PPP1R1C: variants seen among roughly 807,000 people sequenced by gnomAD.
The protein encoded by PPP1R1C is protein phosphatase 1 regulatory subunit 1C.
A neutral mutation model predicts 17.4 loss-of-function variants in PPP1R1C; 15 were observed. That is an observed-to-expected ratio of 0.86 (90% confidence interval 0.58 to 1.33). PPP1R1C has a LOEUF of 1.33. Among genes scored for constraint, PPP1R1C ranks in the 40% most tolerant of loss-of-function variants. The probability of loss-of-function intolerance (pLI) is 0.00; values close to 1 mark genes in which losing one functional copy is unlikely to be tolerated. For synonymous variants in PPP1R1C, 35 were observed against 43.1 expected (o/e 0.81, Z 0.73); for missense variants, 143 against 130.0 (o/e 1.10, Z -0.48).
chr2:182,091,822 C>A (rs1177465270), intron 4 of PPP1R1C, among the ~76,000 whole-genome samples: 1 of 152,156 alleles, frequency 6.6e-6, no homozygotes, highest in Non-Finnish European at 1.5e-5. Flanking sequence ...TTTCCACCCT[C>A]AATCTCCTTT....
rs767056399 is a variant in PPP1R1C at position 181,987,918 on chromosome 2, T to C, written c.142+19T>C. ...CCCCCAGGTAAAGAAGCATGATGTG[T>C]TTCACACTGATGGAACAGAATGGAA... On this transcript the variant is annotated intron_variant, in intron 2 of 4. Transcript: ENST00000682840. 6.3e-7 allele frequency: 1 copy of C among 1,590,122 alleles called. No homozygotes were observed. Among genetic ancestry groups the C allele is most frequent in the South Asian group, 1.1e-5 (1 of 90,006 alleles).
At chr2:182,046,312 C>T (rs1421505241) in intron 2 of PPP1R1C, among the ~76,000 whole-genome samples, 1 of 152,116 alleles carries the variant, frequency 6.6e-6, no homozygotes, top group Non-Finnish European at 1.5e-5. Flanking sequence ...CATCCCATTC[C>T]CCCTGCCCTT....
rs888120175 is a variant in PPP1R1C at position 181,986,124 on chromosome 2, G to A, written c.14G>A (p.Ser5Asn). The change falls in exon 1 of 5, where the codon AGT becomes AAT. Residue 5 changes from serine to asparagine, a missense_variant. By Grantham distance (46) the Ser-to-Asn change is conservative (BLOSUM62 1). Coordinates refer to ENST00000682840, the MANE Select transcript of PPP1R1C (RefSeq NM_001080545.3). MEPN[S>N]PKKIQFAVPV... is the part of the protein sequence containing the mutation. ...ATCATCATTACCATGGAGCCCAACA[G>A]TCCCAAAAAGATACAGTTTGCCGTG... is the stretch of plus-strand genomic sequence containing the variant. The A allele has an allele frequency of 1.9e-6, 3 of 1,613,396 alleles. No individual in the cohort carries two copies. The African/African-American group carries it at 4.0e-5, about 22-fold the overall frequency.
intron 4 of PPP1R1C, among the ~76,000 whole-genome samples, chr2:182,077,794 A>G (rs1688357761): frequency 6.6e-6 from 1 of 152,168 alleles, no homozygotes; most frequent in Non-Finnish European, 1.5e-5. Context: ...TGCTTATTAG[A>G]TCATTTTAAA....
rs544015720 is a variant in PPP1R1C, at chr2:182,019,914, G to A, written c.142+32015G>A. On this transcript the variant is annotated intron_variant, in intron 2 of 4. Transcript: ENST00000682840. ...GATGAAGTGTTCTTCAGAGTAAGCA[G>A]TGGCATATAGATCCATCTCTGTAAC... 9.2e-5 allele frequency among the ~76,000 whole-genome samples: 14 copies of A among 152,340 alleles called. No homozygotes were observed. In the East Asian group the frequency reaches 2.5e-3, roughly 27 times the overall value.
chr2:181,964,470 T>G (rs1684869964), intron 1 of PPP1R1C, among the ~76,000 whole-genome samples: 1 of 152,198 alleles, frequency 6.6e-6, no homozygotes, highest in Non-Finnish European at 1.5e-5. Context: ...TCCTTTCTTT[T>G]GGGTATACAC....
At chr2:182,067,364 A>G (rs1472548751) in intron 4 of PPP1R1C, among the ~76,000 whole-genome samples, 3 of 151,638 alleles carry the variant, frequency 2.0e-5, no homozygotes, top group Non-Finnish European at 4.4e-5. Flanking sequence ...ACCCCTTCTC[A>G]TAATAAAGAA....
intron 2 of PPP1R1C, among the ~76,000 whole-genome samples, chr2:182,002,927 A>ACCCCC (rs200353111): frequency 3.6e-4 from 33 of 90,952 alleles, no homozygotes; most frequent in Non-Finnish European, 5.1e-4. Context: ...GATGCCATAA[A>ACCCCC]CCTCCCCCCC....
At chr2:182,037,109 A>G (rs969432202) in intron 2 of PPP1R1C, among the ~76,000 whole-genome samples, 11 of 152,244 alleles carry the variant, frequency 7.2e-5, no homozygotes, top group Admixed American at 7.2e-4. Context: ...CTCTAGGAGC[A>G]AAAAGAAGAA....
At chr2:182,056,969 T>C (rs1260308179) in intron 2 of PPP1R1C, among the ~76,000 whole-genome samples, 2 of 152,194 alleles carry the variant, frequency 1.3e-5, no homozygotes, top group Non-Finnish European at 2.9e-5. Context: ...ATGGAAGTAA[T>C]GGATTCTGCC....
chr2:182,125,470 A>T (rs1212561997), intron 5 of PPP1R1C, among the ~76,000 whole-genome samples: 1 of 152,130 alleles, frequency 6.6e-6, no homozygotes, highest in Non-Finnish European at 1.5e-5. Context: ...TTTAGAAGGA[A>T]AGGTACCAGC....
At chr2:182,099,972 C>T (rs756668827) in intron 4 of PPP1R1C, among the ~76,000 whole-genome samples, 5 of 144,142 alleles carry the variant, frequency 3.5e-5, no homozygotes, top group Non-Finnish European at 7.8e-5. Context: ...CATAGGGAGA[C>T]GATTAGAGAC....
intron 1 of PPP1R1C, among the ~76,000 whole-genome samples, chr2:181,959,469 TGCTACA>T (rs1684728161): frequency 6.6e-6 from 1 of 152,250 alleles, no homozygotes; most frequent in Non-Finnish European, 1.5e-5. Flanking sequence ...CAAAGTTTCA[TGCTACA>T]TAACCCATCA....
chr2:182,071,921 C>G (rs1390276243), intron 4 of PPP1R1C, among the ~76,000 whole-genome samples: 1 of 152,144 alleles, frequency 6.6e-6, no homozygotes, highest in Admixed American at 6.5e-5. Flanking sequence ...CTACAAGATT[C>G]TCTAGGCTCA....
At chr2:181,970,575 C>A (rs1033181138) in intron 1 of PPP1R1C, among the ~76,000 whole-genome samples, 1 of 152,150 alleles carries the variant, frequency 6.6e-6, no homozygotes, top group African/African-American at 2.4e-5. Flanking sequence ...CACTGCTTGG[C>A]TATCACCTAT....
intron 2 of PPP1R1C, among the ~76,000 whole-genome samples, chr2:182,034,395 G>A (rs533916653): frequency 2.0e-5 from 3 of 152,178 alleles, no homozygotes; most frequent in African/African-American, 7.2e-5. Context: ...GGAAGAGATA[G>A]AGTGTATATT....
At chr2:182,096,960 A>G (rs947568171) in intron 4 of PPP1R1C, among the ~76,000 whole-genome samples, 1 of 152,240 alleles carries the variant, frequency 6.6e-6, no homozygotes. Flanking sequence ...AGTCAGAATC[A>G]GGTGACAAAG....
intron 2 of PPP1R1C, among the ~76,000 whole-genome samples, chr2:182,010,098 T>C (rs1392601253): frequency 6.6e-6 from 1 of 151,682 alleles, no homozygotes; most frequent in Non-Finnish European, 1.5e-5. Flanking sequence ...TTTGGGCTAT[T>C]CTAGCTCTTT....
At chr2:182,055,543 A>T (rs1258851435) in intron 2 of PPP1R1C, among the ~76,000 whole-genome samples, 1 of 152,138 alleles carries the variant, frequency 6.6e-6, no homozygotes, top group Non-Finnish European at 1.5e-5. Context: ...TAGTGAGGGT[A>T]TATCTGCTAC....
Sources: allele counts gnomAD v4.1 joint callset (sites outside exome capture counted in the v4.1 genomes callset), GRCh38; gene constraint gnomAD v4.1.1; transcripts MANE v1.5; gene names NCBI Gene and HGNC (gene_info 2026-07-23, HGNC 2026-07-21).